The following ST18 variants were observed in gnomAD, a reference collection of about 807,000 sequenced individuals.
ST18 encodes the protein suppression of tumorigenicity 18 protein.
ST18 carries 50 observed loss-of-function variants against 110.0 expected under a neutral mutation model. The ratio of observed to expected loss-of-function variants is 0.45; its 90% CI spans 0.36 to 0.58. The LOEUF (loss-of-function observed/expected upper bound fraction) is 0.58, where lower values mean the gene tolerates loss of function less well. Ranked by LOEUF, ST18 falls within the 20% of genes least tolerant of loss-of-function variation. The pLI is 0.00. For synonymous variants in ST18, 461 were observed against 452.4 expected, an observed-to-expected ratio of 1.02 and a Z score of -0.24; for missense variants, 1,306 against 1,280.1, an observed-to-expected ratio of 1.02 and a Z score of -0.31.
chr8:52,355,686 T>A (rs6473714), intron 2 of ST18, among the ~76,000 whole-genome samples: 148,611 of 152,300 alleles, frequency 0.98, 72,606 homozygotes, highest in East Asian at 1. Context: ...AGATACCGTG[T>A]CATCTTAAAC....
chr8:52,213,335 G>C (rs2082891736), intron 7 of ST18, among the ~76,000 whole-genome samples: 1 of 151,998 alleles, frequency 6.6e-6, no homozygotes, highest in Admixed American at 6.6e-5. Flanking sequence ...CACAAATATA[G>C]ATAACGAAAG....
chr8:52,161,233 A>T, intron 14 of ST18, 142 bp downstream of exon 14: 1 of 749,056 alleles, frequency 1.3e-6, no homozygotes, highest in Non-Finnish European at 2.1e-6. Flanking sequence ...TCTTTATGGT[A>T]TTTCACTTGA....
chr8:52,365,425 T>C (rs1827471598), intron 2 of ST18, among the ~76,000 whole-genome samples: 1 of 151,776 alleles, frequency 6.6e-6, no homozygotes, highest in East Asian at 1.9e-4. Flanking sequence ...AGCATAAAAA[T>C]GAGGAGTTGA....
At chr8:52,196,194 C>T (rs886255401) in intron 8 of ST18, among the ~76,000 whole-genome samples, 6 of 152,182 alleles carry the variant, frequency 3.9e-5, no homozygotes, top group African/African-American at 1.2e-4. Context: ...CCCTTCTTTT[C>T]TCCCACCTGC....
chr8:52,137,566 A>G, intron 17 of ST18, 83 bp from the exon 18 acceptor site: 1 of 1,405,726 alleles, frequency 7.1e-7, no homozygotes, highest in Non-Finnish European at 1.0e-6. Context: ...CGGAGGAGGT[A>G]GCTTCTCTGT....
chr8:52,240,122 C>T (rs11997983), intron 2 of ST18, among the ~76,000 whole-genome samples: 5 of 152,074 alleles, frequency 3.3e-5, no homozygotes, highest in African/African-American at 9.7e-5. Flanking sequence ...TTTCTAATTG[C>T]ATAAATTGTT....
chr8:52,372,839 T>C (rs1223313620), intron 2 of ST18, among the ~76,000 whole-genome samples: 1 of 152,206 alleles, frequency 6.6e-6, no homozygotes, highest in Non-Finnish European at 1.5e-5. Context: ...CATTGTTAAG[T>C]GACACATAAC....
intron 2 of ST18, among the ~76,000 whole-genome samples, chr8:52,257,988 T>C (rs2094576474): frequency 6.6e-6 from 1 of 152,206 alleles, no homozygotes; most frequent in African/African-American, 2.4e-5. Context: ...CTGCATTCTT[T>C]TTCATGTGAA....
intron 17 of ST18, 105 bp from the exon 18 acceptor site, chr8:52,137,588 T>A: frequency 9.4e-7 from 1 of 1,066,046 alleles, no homozygotes; most frequent in Non-Finnish European, 1.4e-6. Flanking sequence ...CGAGATAAGT[T>A]AACACAGTAT....
At chr8:52,116,553 A>G in intron 24 of ST18, 135 bp from the exon 25 acceptor site, 1 of 844,186 alleles carries the variant, frequency 1.2e-6, no homozygotes, top group Non-Finnish European at 1.8e-6. Flanking sequence ...ACTTCTCAGC[A>G]TGAAGCTGCA....
chr8:52,279,290 T>C (rs1325325662), intron 2 of ST18, among the ~76,000 whole-genome samples: 1 of 152,064 alleles, frequency 6.6e-6, no homozygotes, highest in Non-Finnish European at 1.5e-5. Flanking sequence ...ATAAGAACCT[T>C]GGTATGTGTA....
At chr8:52,204,829 T>C (rs1412906397) in intron 8 of ST18, among the ~76,000 whole-genome samples, 1 of 152,182 alleles carries the variant, frequency 6.6e-6, no homozygotes, top group African/African-American at 2.4e-5. Context: ...TGTTAGTGCC[T>C]TAGACTCTCA....
At position 52,112,668 on chromosome 8, in the gene ST18, G is replaced by A. The variant is rs2040874152; in HGVS notation, c.*530C>T. The A allele has an allele frequency of 6.6e-6, 1 of 152,580 alleles. No individual in the cohort carries two copies. The highest frequency in any genetic ancestry group is 6.5e-5 in the Admixed American group (1 of 15,274). The allele number at this position is 152,580 out of a possible 1,614,324, so 9.5% of individuals were successfully genotyped here. A position where few individuals can be genotyped will look rare whatever the true frequency, so the allele number is the denominator to read the frequency against. Reference sequence around the variant, plus strand: ...AAATCAGTGAAAGGTGGGGGAAGAAGTGTGCAATAAAAATCAAACTCAACT... The same window carrying A: ...AAATCAGTGAAAGGTGGGGGAAGAAATGTGCAATAAAAATCAAACTCAACT... On this transcript the variant is annotated 3_prime_UTR_variant, in exon 26 of 26. Coordinates refer to ENST00000689386, the MANE Select transcript of ST18 (RefSeq NM_001352837.2).
At chr8:52,120,153 A>G (rs928325176) in intron 23 of ST18, among the ~76,000 whole-genome samples, 12 of 152,182 alleles carry the variant, frequency 7.9e-5, no homozygotes, top group Non-Finnish European at 1.8e-4. Flanking sequence ...GTGCAGGTAC[A>G]GGGATCTCCT....
chr8:52,224,678 T>C (rs531339312), intron 3 of ST18, among the ~76,000 whole-genome samples: 4 of 152,318 alleles, frequency 2.6e-5, no homozygotes, highest in African/African-American at 9.6e-5. Flanking sequence ...AGGGAAGATG[T>C]TTCAGATTTT....
In ST18 at chr8:52,260,685, A is replaced by T. The variant is rs145241201; in HGVS notation, c.-464-30608T>A. Among the ~76,000 whole-genome samples the T allele has an allele frequency of 3.7e-3, 556 of 152,244 alleles. 5 individuals are homozygous for T. Among genetic ancestry groups the T allele is most frequent in the Non-Finnish European group, 2.6e-3 (175 of 68,014 alleles). On this transcript the variant is annotated intron_variant, in intron 2 of 25. Coordinates refer to ENST00000689386, the MANE Select transcript of ST18 (RefSeq NM_001352837.2). ...CACAGGTCGGTAATTTCTCATTTCTATGCACACTTCCTTCTTCTATACACA... is the reference window on the plus strand; with the variant it reads ...CACAGGTCGGTAATTTCTCATTTCTTTGCACACTTCCTTCTTCTATACACA...
intron 19 of ST18, among the ~76,000 whole-genome samples, chr8:52,133,945 G>A (rs1467700626): frequency 6.6e-6 from 1 of 152,124 alleles, no homozygotes; most frequent in South Asian, 2.1e-4. Flanking sequence ...TGGCCAGGCT[G>A]ATCTCAAACT....
intron 17 of ST18, among the ~76,000 whole-genome samples, chr8:52,140,765 CA>C (rs758797173): frequency 1.3e-5 from 2 of 151,946 alleles, no homozygotes; most frequent in African/African-American, 2.4e-5. Flanking sequence ...TTTTCTGATC[CA>C]AAATGGTATT....
At chr8:52,273,283 C>G (rs746865126) in intron 2 of ST18, among the ~76,000 whole-genome samples, 1 of 152,278 alleles carries the variant, frequency 6.6e-6, no homozygotes, top group South Asian at 2.1e-4. Flanking sequence ...AAATTATACT[C>G]ACGTGTGGTC....
Sources: allele counts gnomAD v4.1 joint callset (sites outside exome capture counted in the v4.1 genomes callset), GRCh38; gene constraint gnomAD v4.1.1; transcripts MANE v1.5; gene names NCBI Gene and HGNC (gene_info 2026-07-23, HGNC 2026-07-21).